AGAP1: variants seen among roughly 807,000 people sequenced by gnomAD.
AGAP1 encodes the protein ArfGAP with GTPase domain, ankyrin repeat and PH domain 1, also known as arf-GAP with GTPase, ANK repeat and PH domain-containing protein 1.
In AGAP1, 29 loss-of-function variants were observed where a neutral mutation model predicts 105.3. The ratio of observed to expected loss-of-function variants is 0.28; its 90% CI spans 0.21 to 0.38. The LOEUF (loss-of-function observed/expected upper bound fraction) is 0.38. Ranked by LOEUF, AGAP1 falls within the 10% of genes least tolerant of loss-of-function variation. AGAP1 has a pLI of 1.00. For synonymous variants in AGAP1, 509 were observed against 485.9 expected (o/e 1.05, Z -0.63); for missense variants, 998 against 1,165.1 (o/e 0.86, Z 2.09).
intron 5 of AGAP1, among the ~76,000 whole-genome samples, chr2:235,748,612 A>G (rs1710828): frequency 0.74 from 112,448 of 151,986 alleles, 42,548 homozygotes; most frequent in East Asian, 0.99. Context: ...TCCAGTAACG[A>G]GGAAACGTCA....
chr2:235,806,737 A>T (rs1957854344), intron 8 of AGAP1, among the ~76,000 whole-genome samples: 1 of 152,208 alleles, frequency 6.6e-6, no homozygotes, highest in South Asian at 2.1e-4. Context: ...AGAAGCAAAA[A>T]CGGAAAATGT....
intron 17 of AGAP1, among the ~76,000 whole-genome samples, chr2:236,122,210 C>G (rs1006149177): frequency 3.3e-5 from 5 of 152,178 alleles, no homozygotes; most frequent in Admixed American, 3.3e-4. Context: ...CTCGGCCTCC[C>G]AAGGTGTTGA....
chr2:235,836,986 G>A (rs369946222), intron 9 of AGAP1, among the ~76,000 whole-genome samples: 1 of 152,190 alleles, frequency 6.6e-6, no homozygotes, highest in South Asian at 2.1e-4. Context: ...GGGTTGGGGG[G>A]GTTGTGGGAG....
intron 1 of AGAP1, among the ~76,000 whole-genome samples, chr2:235,673,979 T>C (rs1297547012): frequency 6.6e-6 from 1 of 152,238 alleles, no homozygotes; most frequent in East Asian, 1.9e-4. Context: ...GCAAGATGGC[T>C]GGAGTCTTAT....
At chr2:235,949,615 G>A (rs911386502) in intron 12 of AGAP1, among the ~76,000 whole-genome samples, 6 of 152,164 alleles carry the variant, frequency 3.9e-5, no homozygotes. Context: ...CCATTTTTGT[G>A]CTCTTTTGTG....
At position 235,877,418 on chromosome 2, in the gene AGAP1, C is replaced by T. The variant is rs1488721390; in HGVS notation, c.1051-5927C>T. ...GGGATGACGGTTGCAGGGCAGGCTCCTTTGGTGTCAGCTGCCTCGTGACCG... is the reference window on the plus strand; with the variant it reads ...GGGATGACGGTTGCAGGGCAGGCTCTTTTGGTGTCAGCTGCCTCGTGACCG... On this transcript the variant is annotated intron_variant, in intron 9 of 17. Coordinates refer to ENST00000304032, the MANE Select transcript of AGAP1 (RefSeq NM_001037131.3). This position sits in a 1 kb window ranked among gnomAD's most constrained non-coding sequence, Gnocchi z 4.3. Among the ~76,000 whole-genome samples the T allele has an allele frequency of 6.6e-6, 1 of 152,180 alleles. No individual in the cohort carries two copies. The highest frequency in any genetic ancestry group is 1.5e-5 in the Non-Finnish European group (1 of 68,036).
intron 14 of AGAP1, among the ~76,000 whole-genome samples, chr2:236,037,665 C>T (rs987904509): frequency 6.6e-6 from 1 of 152,218 alleles, no homozygotes; most frequent in East Asian, 1.9e-4. Flanking sequence ...GCCTCAGACA[C>T]CCAGAGTCCT....
Position 236,012,864 on chromosome 2 carries a change from C to T in AGAP1, c.1646-23697C>T, listed in dbSNP as rs182622330. Among the ~76,000 whole-genome samples the T allele has an allele frequency of 7.2e-5, 11 of 152,156 alleles. No individual in the cohort carries two copies. The highest frequency in any genetic ancestry group is 2.4e-5 in the African/African-American group (1 of 41,516). Reference sequence around the variant, plus strand: ...TACGATCTCAGCTCACTGCAACCTCCGCCTCCAGAGTAGCTGGGATTATAG... The same window carrying T: ...TACGATCTCAGCTCACTGCAACCTCTGCCTCCAGAGTAGCTGGGATTATAG... On this transcript the variant is annotated intron_variant, in intron 13 of 17. Coordinates refer to ENST00000304032, the MANE Select transcript of AGAP1 (RefSeq NM_001037131.3). The surrounding 1 kb of genome is among the most constrained non-coding windows in gnomAD (Gnocchi z 4.9).
intron 1 of AGAP1, among the ~76,000 whole-genome samples, chr2:235,591,362 C>T (rs898580146): frequency 8.5e-5 from 13 of 152,066 alleles, no homozygotes; most frequent in East Asian, 1.9e-4. Flanking sequence ...ATTGACTGAA[C>T]GAGGGGGAGT....
intron 11 of AGAP1, among the ~76,000 whole-genome samples, chr2:235,925,434 C>T (rs2052400169): frequency 6.6e-6 from 1 of 152,078 alleles, no homozygotes; most frequent in Admixed American, 6.5e-5. Flanking sequence ...GGAGACAATC[C>T]AGAGGCTCTC....
At chr2:235,575,032 A>T (rs1944687176) in intron 1 of AGAP1, among the ~76,000 whole-genome samples, 1 of 152,124 alleles carries the variant, frequency 6.6e-6, no homozygotes, top group Non-Finnish European at 1.5e-5. Flanking sequence ...CTGAGGTGGG[A>T]TGATCGCTGG....
At position 235,993,114 on chromosome 2, in the gene AGAP1, T is replaced by G. The variant is rs1413238377; in HGVS notation, c.1645+24491T>G. ...TTCTAGCTAATACATGGAGTTGTGC[T>G]TCCTAAGTATTGATAGCGGCGTATA... On this transcript the variant is annotated intron_variant, in intron 13 of 17. Coordinates refer to ENST00000304032, the MANE Select transcript of AGAP1 (RefSeq NM_001037131.3). This position sits in a 1 kb window ranked among gnomAD's most constrained non-coding sequence, Gnocchi z 5.0. 2.0e-5 allele frequency among the ~76,000 whole-genome samples: 3 copies of G among 152,218 alleles called. No individual in the cohort carries two copies. The highest frequency in any genetic ancestry group is 7.2e-5 in the African/African-American group (3 of 41,448).
intron 1 of AGAP1, chr2:235,524,219 C>G (rs78330000): frequency 1.3e-5 from 2 of 153,834 alleles, no homozygotes; most frequent in African/African-American, 4.8e-5. Flanking sequence ...GGGACTTGGG[C>G]TGTGATCAGA....
rs1261625942 is a variant in AGAP1, at chr2:236,044,784, C to CACAT, written c.1891+3946_1891+3947insTACA. Among the ~76,000 whole-genome samples the CACAT allele has an allele frequency of 6.6e-6, 1 of 152,070 alleles. No homozygotes were observed. The highest frequency in any genetic ancestry group is 1.5e-5 in the Non-Finnish European group (1 of 68,002). Reference sequence around the variant, plus strand: ...GTTTGAAATCACACACACACACACACACACATCCCTACTCCCTGCTGTTCT... The same window carrying CACAT: ...GTTTGAAATCACACACACACACACACACATACACATCCCTACTCCCTGCTGTTCT... On this transcript the variant is annotated intron_variant, in intron 15 of 17. Coordinates refer to ENST00000304032, the MANE Select transcript of AGAP1 (RefSeq NM_001037131.3). This position sits in a 1 kb window ranked among gnomAD's most constrained non-coding sequence, Gnocchi z 5.7.
rs555821023 is a variant in AGAP1, at chr2:236,036,186, C to T, written c.1646-375C>T. 8.5e-5 allele frequency among the ~76,000 whole-genome samples: 13 copies of T among 152,290 alleles called. No individual in the cohort carries two copies. In the South Asian group the frequency reaches 2.3e-3, roughly 27 times the overall value. Reference sequence around the variant, plus strand: ...GCTTAGATAGAAATTAACCCTGCAGCCGGAGATTAGCGGCCCTAACTTAAT... The same window carrying T: ...GCTTAGATAGAAATTAACCCTGCAGTCGGAGATTAGCGGCCCTAACTTAAT... On this transcript the variant is annotated intron_variant, in intron 13 of 17. Coordinates refer to ENST00000304032, the MANE Select transcript of AGAP1 (RefSeq NM_001037131.3). This position sits in a 1 kb window ranked among gnomAD's most constrained non-coding sequence, Gnocchi z 5.7.
At chr2:235,929,425 CAGA>C (rs1245099007) in intron 11 of AGAP1, among the ~76,000 whole-genome samples, 1 of 152,156 alleles carries the variant, frequency 6.6e-6, no homozygotes, top group Non-Finnish European at 1.5e-5. Flanking sequence ...TGGAATCAAG[CAGA>C]CCTGCCTATG....
chr2:236,019,603 G>A (rs1471945773), intron 13 of AGAP1, among the ~76,000 whole-genome samples: 3 of 152,352 alleles, frequency 2.0e-5, no homozygotes, highest in East Asian at 3.9e-4. Flanking sequence ...GGAAGACGGG[G>A]CTGGAATTCC....
chr2:235,920,564 C>T (rs778262374), intron 11 of AGAP1, among the ~76,000 whole-genome samples: 1 of 152,126 alleles, frequency 6.6e-6, no homozygotes, highest in Non-Finnish European at 1.5e-5. Flanking sequence ...TGGAGTTCTC[C>T]ACAGCACCAA....
chr2:236,058,547 C>G lies in AGAP1; in HGVS notation c.2114+9266C>G, dbSNP rs1272292240. On this transcript the variant is annotated intron_variant, in intron 16 of 17. Transcript: ENST00000304032. The surrounding 1 kb of genome is among the most constrained non-coding windows in gnomAD (Gnocchi z 4.6). ...GTGCCCTTTCATGGTAACAAACACT[C>G]AGCAAACTAGAAATAAAAGGAAACT... is the stretch of plus-strand genomic sequence containing the variant. Among the ~76,000 whole-genome samples, 2 of 152,188 alleles carry G rather than the reference C, an allele frequency of 1.3e-5. No individual in the cohort carries two copies. The highest frequency in any genetic ancestry group is 4.8e-5 in the African/African-American group (2 of 41,442).
Sources: gnomAD v4.1 joint callset for allele counts (sites outside exome capture counted in the v4.1 genomes callset) on GRCh38, gnomAD v4.1.1 for gene constraint, Gnocchi (gnomAD v3.1) non-coding constraint, MANE v1.5 for transcripts, NCBI Gene and HGNC (gene_info 2026-07-23, HGNC 2026-07-21) for gene names.